Variants in EBF1 observed in about 807,000 individuals in gnomAD.
The protein encoded by EBF1 is transcription factor COE1.
Under a neutral mutation model 68.4 loss-of-function variants are expected in EBF1, and 10 were observed. The observed-to-expected ratio is 0.15, with a 90% CI of 0.09 to 0.25. The LOEUF is 0.25. Among genes scored for constraint, EBF1 ranks in the 10% least tolerant of loss-of-function variants. The pLI, the probability that EBF1 is intolerant of heterozygous loss-of-function variation, is 1.00. For missense variants in EBF1, 509 were observed against 794.4 expected (o/e 0.64, Z 4.32); for synonymous variants, 298 against 299.8 (o/e 0.99, Z 0.06).
intron 9 of EBF1, among the ~76,000 whole-genome samples, chr5:158,782,441 T>C (rs554124104): frequency 1.3e-5 from 2 of 152,168 alleles, no homozygotes; most frequent in South Asian, 4.2e-4. Context: ...GAAGGATCAC[T>C]TGAGCCCAGG....
At chr5:158,803,795 A>T (rs1665300409) in intron 8 of EBF1, among the ~76,000 whole-genome samples, 1 of 151,714 alleles carries the variant, frequency 6.6e-6, no homozygotes, top group Non-Finnish European at 1.5e-5. Context: ...TATTTTCTTC[A>T]GTAATTGCAT....
intron 8 of EBF1, among the ~76,000 whole-genome samples, chr5:158,805,466 T>C: frequency 6.6e-6 from 1 of 152,128 alleles, no homozygotes; most frequent in East Asian, 1.9e-4. Flanking sequence ...GAATATGAAT[T>C]TTTAGCCTCC....
intron 7 of EBF1, among the ~76,000 whole-genome samples, chr5:158,829,991 A>G (rs985696016): frequency 5.9e-5 from 9 of 152,230 alleles, no homozygotes; most frequent in African/African-American, 2.2e-4. Context: ...GCAGTTTTAC[A>G]TGGCTTTAAA....
At chr5:159,042,865 A>AC (rs894219379) in intron 6 of EBF1, among the ~76,000 whole-genome samples, 1 of 151,630 alleles carries the variant, frequency 6.6e-6, no homozygotes, top group African/African-American at 2.4e-5. Flanking sequence ...CACAGTAAAA[A>AC]AAAAAAAATA....
chr5:158,912,487 TA>T (rs778807758), intron 6 of EBF1, among the ~76,000 whole-genome samples: 1 of 152,184 alleles, frequency 6.6e-6, no homozygotes, highest in Non-Finnish European at 1.5e-5. Context: ...TGCTGGATCA[TA>T]AAAATCACCT....
At chr5:158,879,183 G>A (rs982957816) in intron 6 of EBF1, among the ~76,000 whole-genome samples, 1 of 152,112 alleles carries the variant, frequency 6.6e-6, no homozygotes, top group Non-Finnish European at 1.5e-5. Flanking sequence ...GCATAGGATG[G>A]TTGGTTCAGT....
At chr5:159,031,769 G>A (rs924998971) in intron 6 of EBF1, among the ~76,000 whole-genome samples, 3 of 152,164 alleles carry the variant, frequency 2.0e-5, no homozygotes, top group Non-Finnish European at 4.4e-5. Flanking sequence ...CAGGGCTCTC[G>A]CTGCGCTGCT....
chr5:158,910,106 C>T (rs35094096), intron 6 of EBF1, among the ~76,000 whole-genome samples: 3,307 of 152,084 alleles, frequency 0.022, 60 homozygotes, highest in Non-Finnish European at 0.03. Flanking sequence ...ACATTGTCAT[C>T]CTCATTGAGC....
At chr5:158,706,323 G>T (rs1053934539) in intron 15 of EBF1, among the ~76,000 whole-genome samples, 1 of 151,150 alleles carries the variant, frequency 6.6e-6, no homozygotes, top group East Asian at 2.0e-4. Context: ...AAGGTTCTGA[G>T]GAGTATTTTG....
intron 6 of EBF1, among the ~76,000 whole-genome samples, chr5:158,989,964 T>C (rs551491024): frequency 6.6e-6 from 1 of 152,116 alleles, no homozygotes; most frequent in South Asian, 2.1e-4. Context: ...ACAACGAGAA[T>C]ACAAGATGGA....
chr5:158,723,938 G>A (rs369191800), intron 11 of EBF1, among the ~76,000 whole-genome samples: 4 of 151,840 alleles, frequency 2.6e-5, no homozygotes, highest in Admixed American at 6.6e-5. Flanking sequence ...ACACATGCAC[G>A]CACACACACA....
At chr5:158,864,286 C>T (rs1400048317) in intron 6 of EBF1, among the ~76,000 whole-genome samples, 4 of 138,630 alleles carry the variant, frequency 2.9e-5, no homozygotes, top group African/African-American at 5.4e-5. Context: ...GAAGAGAGTA[C>T]TGGCTTTTAA....
At chr5:158,986,970 T>C (rs919416417) in intron 6 of EBF1, 2 of 152,214 alleles carry the variant, frequency 1.3e-5, no homozygotes, top group African/African-American at 4.8e-5. Flanking sequence ...ATCACACAGC[T>C]AGGAGGTGTC....
At position 159,053,473 on chromosome 5, in the gene EBF1, A is replaced by G. The variant is rs140378249; in HGVS notation, c.554+19923T>C. On this transcript the variant is annotated intron_variant, in intron 6 of 15. Transcript: ENST00000313708. ...AATTTTACTCTGCCTCTGGCCCCTT[A>G]TTTTACATATTACAGGGATTTATTC... 3.3e-5 allele frequency among the ~76,000 whole-genome samples: 5 copies of G among 152,246 alleles called. No homozygotes were observed. In the East Asian group the frequency reaches 7.7e-4, roughly 24 times the overall value.
chr5:158,887,678 C>T (rs925356689), intron 6 of EBF1, among the ~76,000 whole-genome samples: 8 of 152,200 alleles, frequency 5.3e-5, no homozygotes, highest in Non-Finnish European at 8.8e-5. Flanking sequence ...CCTGCATCCT[C>T]AACAAGCTTC....
chr5:158,925,604 C>G (rs546390859), intron 6 of EBF1, among the ~76,000 whole-genome samples: 2 of 152,214 alleles, frequency 1.3e-5, no homozygotes, highest in African/African-American at 4.8e-5. Context: ...GCAACTCTCT[C>G]TGATGGTTAG....
chr5:159,021,445 A>G (rs1766660457), intron 6 of EBF1, among the ~76,000 whole-genome samples: 2 of 152,210 alleles, frequency 1.3e-5, no homozygotes, highest in African/African-American at 2.4e-5. Flanking sequence ...CAAGTTCCAA[A>G]CAGAACAACC....
intron 11 of EBF1, among the ~76,000 whole-genome samples, chr5:158,719,726 A>T (rs892299505): frequency 1.3e-5 from 2 of 152,186 alleles, no homozygotes; most frequent in Non-Finnish European, 2.9e-5. Context: ...TAGGCTGATG[A>T]TCATAAAGCT....
intron 6 of EBF1, among the ~76,000 whole-genome samples, chr5:158,928,963 C>T (rs1345335387): frequency 6.6e-6 from 1 of 152,142 alleles, no homozygotes; most frequent in Non-Finnish European, 1.5e-5. Context: ...TGTGTTTTAT[C>T]ATTCCTCTCT....
Sources: allele counts gnomAD v4.1 joint callset (sites outside exome capture counted in the v4.1 genomes callset), GRCh38; gene constraint gnomAD v4.1.1; transcripts MANE v1.5; gene names NCBI Gene and HGNC (gene_info 2026-07-23, HGNC 2026-07-21).